CNKSR2: variants seen among roughly 807,000 people sequenced by gnomAD.
The protein encoded by CNKSR2 is connector enhancer of kinase suppressor of Ras 2.
Under a neutral mutation model 84.4 loss-of-function variants are expected in CNKSR2, and 14 were observed. The observed-to-expected ratio is 0.17, with a 90% CI of 0.11 to 0.26. CNKSR2 has a LOEUF of 0.26. Among genes scored for constraint, CNKSR2 ranks in the 10% least tolerant of loss-of-function variants. CNKSR2 has a pLI of 1.00. For synonymous variants in CNKSR2, 275 were observed against 277.9 expected (o/e 0.99, Z 0.10); for missense variants, 485 against 771.2 (o/e 0.63, Z 4.40).
Position 21,377,983 on chromosome X carries a change from A to G in CNKSR2, c.64+3022A>G, listed in dbSNP as rs777831306. Among the ~76,000 whole-genome samples the G allele has an allele frequency of 6.7e-4, 75 of 111,928 alleles. No individual in the cohort carries two copies. The Middle Eastern group carries it at 0.014, about 21-fold the overall frequency. On this transcript the variant is annotated intron_variant, in intron 1 of 21. Transcript: ENST00000379510. ...GGAAATATAAAATGTATATATTGTTAGTAGTAAAAATATAAGGAAATCCTT... is the reference window on the plus strand; with the variant it reads ...GGAAATATAAAATGTATATATTGTTGGTAGTAAAAATATAAGGAAATCCTT...
intron 5 of CNKSR2, among the ~76,000 whole-genome samples, chrX:21,482,063 A>G (rs2091326182): frequency 8.9e-6 from 1 of 111,960 alleles, no homozygotes; most frequent in African/African-American, 3.2e-5. Flanking sequence ...CCAACCTTGT[A>G]GTAATTTGTT....
intron 4 of CNKSR2, among the ~76,000 whole-genome samples, chrX:21,449,548 G>A (rs1043035666): frequency 3.6e-5 from 4 of 110,428 alleles, no homozygotes; most frequent in African/African-American, 1.3e-4. Flanking sequence ...CCTTCTATTG[G>A]TGCAGAGTTG....
chrX:21,459,018 C>CTTTTTT (rs35121561), intron 4 of CNKSR2, among the ~76,000 whole-genome samples: 3 of 88,500 alleles, frequency 3.4e-5, no homozygotes, highest in African/African-American at 8.6e-5. Context: ...ATTCTTCATC[C>CTTTTTT]TTTTTTTTTT....
chrX:21,442,959 C>T (rs916515827), intron 4 of CNKSR2, among the ~76,000 whole-genome samples: 3 of 110,152 alleles, frequency 2.7e-5, no homozygotes, highest in African/African-American at 9.9e-5. Flanking sequence ...ATTGAGTACA[C>T]GTGGACACAA....
intron 1 of CNKSR2, among the ~76,000 whole-genome samples, chrX:21,397,746 T>A (rs1287081807): frequency 9.0e-6 from 1 of 111,431 alleles, no homozygotes; most frequent in African/African-American, 3.3e-5. Context: ...GAGAGGATTT[T>A]GAATGGTCCC....
At chrX:21,467,441 A>G (rs191185098) in intron 4 of CNKSR2, among the ~76,000 whole-genome samples, 1 of 111,143 alleles carries the variant, frequency 9.0e-6, no homozygotes, top group East Asian at 2.8e-4. Context: ...TGTTTCCAAG[A>G]CCCAGTTAAA....
At chrX:21,649,291 G>A (rs769168511) in intron 21 of CNKSR2, among the ~76,000 whole-genome samples, 1 of 112,081 alleles carries the variant, frequency 8.9e-6, no homozygotes, top group South Asian at 3.7e-4. Context: ...GATTTAAATT[G>A]TTTTCTAAAA....
intron 12 of CNKSR2, among the ~76,000 whole-genome samples, chrX:21,561,768 G>C (rs946708296): frequency 1.8e-5 from 2 of 111,013 alleles, no homozygotes; most frequent in Non-Finnish European, 3.8e-5. Context: ...AGGGGTTCCA[G>C]GTACATAAGT....
At position 21,587,748 on chromosome X, in the gene CNKSR2, A is replaced by G. The variant is rs777333172; in HGVS notation, c.1609-2824A>G. On this transcript the variant is annotated intron_variant, in intron 13 of 21. Transcript: ENST00000379510. ...CCCTTTCTGGAGATTATTTATGTCC[A>G]TTATTTATGAATAATGAACAGTTTC... 6.3e-5 allele frequency among the ~76,000 whole-genome samples: 7 copies of G among 111,999 alleles called. No individual in the cohort carries two copies. The South Asian group carries it at 2.6e-3, about 42-fold the overall frequency.
chrX:21,471,116 A>G (rs1289342500), intron 5 of CNKSR2, among the ~76,000 whole-genome samples: 1 of 112,015 alleles, frequency 8.9e-6, no homozygotes, highest in Non-Finnish European at 1.9e-5. Flanking sequence ...ATCTATTACA[A>G]AAAAGATCAG....
chrX:21,639,901 C>G (rs912996864), intron 20 of CNKSR2, among the ~76,000 whole-genome samples: 1 of 111,411 alleles, frequency 9.0e-6, no homozygotes, highest in African/African-American at 3.3e-5. Flanking sequence ...GTTTAACAAG[C>G]ACCTCCACCC....
At chrX:21,490,615 C>G in intron 6 of CNKSR2, 37 bp downstream of exon 6, 4 of 1,176,099 alleles carry the variant, frequency 3.4e-6, no homozygotes, top group Non-Finnish European at 4.6e-6. Context: ...CACCATCCAT[C>G]AGTAGAGAGC....
At position 21,452,160 on chromosome X, in the gene CNKSR2, G is replaced by A. The variant is rs777015705; in HGVS notation, c.519+11379G>A. On this transcript the variant is annotated intron_variant, in intron 4 of 21. Transcript: ENST00000379510. ...GGCTGGAGTGCAGTGGCGCAATCTC[G>A]GCTCACTGCAACCTTCACCTCCCAG... Among the ~76,000 whole-genome samples the A allele has an allele frequency of 1.2e-3, 137 of 111,523 alleles. 1 individual carries two copies. The highest frequency in any genetic ancestry group is 9.2e-3 in the Middle Eastern group (2 of 218).
At chrX:21,453,697 G>T (rs2090963808) in intron 4 of CNKSR2, among the ~76,000 whole-genome samples, 1 of 111,454 alleles carries the variant, frequency 9.0e-6, no homozygotes, top group Non-Finnish European at 1.9e-5. Flanking sequence ...CCTGAGTCTG[G>T]GTAATTTATA....
intron 1 of CNKSR2, among the ~76,000 whole-genome samples, chrX:21,412,902 T>C (rs1263728706): frequency 2.7e-5 from 3 of 111,989 alleles, no homozygotes; most frequent in African/African-American, 9.7e-5. Context: ...AAGTGTAAAA[T>C]GCACATATCA....
At chrX:21,535,461 T>G (rs1459908328) in intron 11 of CNKSR2, among the ~76,000 whole-genome samples, 1 of 111,629 alleles carries the variant, frequency 9.0e-6, no homozygotes, top group African/African-American at 3.3e-5. Context: ...TAGATTGCTT[T>G]GGGTAGTATA....
At chrX:21,636,746 C>G (rs781311460) in intron 20 of CNKSR2, among the ~76,000 whole-genome samples, 1 of 110,737 alleles carries the variant, frequency 9.0e-6, no homozygotes, top group South Asian at 3.8e-4. Context: ...ATATCATAAT[C>G]TTTTTGAGGT....
chrX:21,412,094 C>G (rs1281381119), intron 1 of CNKSR2, among the ~76,000 whole-genome samples: 1 of 111,900 alleles, frequency 8.9e-6, no homozygotes, highest in Non-Finnish European at 1.9e-5. Context: ...CAGTTATTGA[C>G]TTTGGAACCT....
chrX:21,452,529 G>A (rs776923674), intron 4 of CNKSR2, among the ~76,000 whole-genome samples: 1 of 111,264 alleles, frequency 9.0e-6, no homozygotes, highest in Admixed American at 9.6e-5. Flanking sequence ...GTACCCTCAC[G>A]TCTCTATATG....
Sources: gnomAD v4.1 joint callset for allele counts (sites outside exome capture counted in the v4.1 genomes callset) on GRCh38, gnomAD v4.1.1 for gene constraint, MANE v1.5 for transcripts, NCBI Gene and HGNC (gene_info 2026-07-23, HGNC 2026-07-21) for gene names.